The following NDST3 variants were observed in gnomAD, a reference collection of about 807,000 sequenced individuals.
The protein encoded by NDST3 is bifunctional heparan sulfate N-deacetylase/N-sulfotransferase 3.
NDST3 carries 58 observed loss-of-function variants against 96.1 expected under a neutral mutation model. The ratio of observed to expected loss-of-function variants is 0.60; its 90% CI spans 0.49 to 0.75. The LOEUF (loss-of-function observed/expected upper bound fraction) is 0.75, where lower values mean the gene tolerates loss of function less well. Ranked by LOEUF, NDST3 falls within the 30% of genes least tolerant of loss-of-function variation. The probability of loss-of-function intolerance (pLI) is 0.00; values close to 1 mark genes in which losing one functional copy is unlikely to be tolerated. For missense variants in NDST3, 788 were observed against 1,034.2 expected (o/e 0.76, Z 3.27); for synonymous variants, 333 against 359.7 (o/e 0.93, Z 0.84).
At chr4:118,116,477 A>G (rs1731125136) in intron 4 of NDST3, among the ~76,000 whole-genome samples, 1 of 152,224 alleles carries the variant, frequency 6.6e-6, no homozygotes, top group Admixed American at 6.5e-5. Context: ...CTAGAATAGT[A>G]TCTAGAAATT....
chr4:118,160,871 G>A (rs1213601963), intron 6 of NDST3, among the ~76,000 whole-genome samples: 15 of 152,150 alleles, frequency 9.9e-5, no homozygotes, highest in South Asian at 8.3e-4. Context: ...CTCTCAACTC[G>A]TCAAAGTCAT....
chr4:118,034,312 T>G (rs1252050753), upstream of NDST3: 1 of 152,216 alleles, frequency 6.6e-6, no homozygotes, highest in African/African-American at 2.4e-5. Flanking sequence ...TCAGCTTAGT[T>G]AGCATCTGTC....
chr4:118,109,056 T>G (rs879879167), intron 3 of NDST3, among the ~76,000 whole-genome samples: 2 of 152,208 alleles, frequency 1.3e-5, no homozygotes, highest in African/African-American at 4.8e-5. Flanking sequence ...GAACTTTCTC[T>G]TTATGTGCAG....
rs1478587265 is a variant in NDST3 at position 118,157,063 on chromosome 4, A to G, written c.1539+13379A>G. ...TACATCAAATAGTGGGAACAACCTA[A>G]ACATCCATCCATAAGAGACTAGTTA... On this transcript the variant is annotated intron_variant, in intron 6 of 13. Transcript: ENST00000296499. Among the ~76,000 whole-genome samples, 3 of 152,276 alleles carry G rather than the reference A, an allele frequency of 2.0e-5. No individual in the cohort carries two copies. In the East Asian group the frequency reaches 5.8e-4, roughly 29 times the overall value.
chr4:118,090,837 C>T (rs1034201536), intron 2 of NDST3, among the ~76,000 whole-genome samples: 1 of 151,632 alleles, frequency 6.6e-6, no homozygotes, highest in African/African-American at 2.4e-5. Flanking sequence ...ATTCTAGAGC[C>T]TTTATAACAT....
intron 6 of NDST3, among the ~76,000 whole-genome samples, chr4:118,162,548 T>A (rs1207656357): frequency 4.0e-5 from 6 of 151,648 alleles, no homozygotes; most frequent in Non-Finnish European, 5.9e-5. Context: ...GCTAGCCATA[T>A]GTAGAAAGCT....
At chr4:118,181,500 T>C (rs1163697504) in intron 6 of NDST3, among the ~76,000 whole-genome samples, 1 of 152,134 alleles carries the variant, frequency 6.6e-6, no homozygotes, top group Non-Finnish European at 1.5e-5. Context: ...TTAGTTAGCA[T>C]GAGTTTGAGA....
intron 6 of NDST3, among the ~76,000 whole-genome samples, chr4:118,166,052 A>G (rs1036516032): frequency 6.6e-6 from 1 of 151,770 alleles, no homozygotes; most frequent in African/African-American, 2.4e-5. Flanking sequence ...ATTAGTAGAA[A>G]GGAAACAATA....
rs531287111 is a variant in NDST3 at position 118,088,127 on chromosome 4, T to C, written c.982-16891T>C. ...TGAAATGCCAGTCAAGTAACAGGAATGACAGACATGTAAGTAAGCCCCAGT... is the reference window on the plus strand; with the variant it reads ...TGAAATGCCAGTCAAGTAACAGGAACGACAGACATGTAAGTAAGCCCCAGT... On this transcript the variant is annotated intron_variant, in intron 2 of 13. Transcript: ENST00000296499. Among the ~76,000 whole-genome samples, 9 of 152,154 alleles carry C rather than the reference T, an allele frequency of 5.9e-5. No homozygotes were observed. In the South Asian group the frequency reaches 1.9e-3, roughly 32 times the overall value.
chr4:118,040,489 G>T (rs182849822), intron 1 of NDST3, among the ~76,000 whole-genome samples: 1 of 152,132 alleles, frequency 6.6e-6, no homozygotes, highest in East Asian at 1.9e-4. Flanking sequence ...TGCACTAAGG[G>T]TGGGCTTATG....
intron 8 of NDST3, among the ~76,000 whole-genome samples, chr4:118,230,816 G>A (rs974798835): frequency 8.5e-5 from 13 of 152,114 alleles, no homozygotes; most frequent in African/African-American, 2.7e-4. Context: ...GTTTGGCTCA[G>A]ATATAATCTA....
At chr4:118,055,035 A>G (rs1483129766) in intron 2 of NDST3, 144 bp downstream of exon 2, 1 of 942,866 alleles carries the variant, frequency 1.1e-6, no homozygotes, top group African/African-American at 1.6e-5. Flanking sequence ...CGCTCACCCT[A>G]AATCAACTAA....
chr4:118,159,920 A>C (rs993386809), intron 6 of NDST3, among the ~76,000 whole-genome samples: 1 of 152,220 alleles, frequency 6.6e-6, no homozygotes, highest in Admixed American at 6.5e-5. Context: ...GGGACTTAGG[A>C]AACAACATCA....
At chr4:118,199,384 T>A (rs1275336326) in intron 6 of NDST3, among the ~76,000 whole-genome samples, 1 of 152,198 alleles carries the variant, frequency 6.6e-6, no homozygotes, top group Non-Finnish European at 1.5e-5. Context: ...ATTTTTCAAC[T>A]CCAGAATTTC....
chr4:118,073,613 TTTTCTC>T, intron 2 of NDST3, among the ~76,000 whole-genome samples: 1 of 152,130 alleles, frequency 6.6e-6, no homozygotes, highest in South Asian at 2.1e-4. Flanking sequence ...TCTTCTCTCT[TTTTCTC>T]TTTATTTGTC....
intron 6 of NDST3, among the ~76,000 whole-genome samples, chr4:118,152,654 G>A (rs1401381455): frequency 6.6e-6 from 1 of 152,120 alleles, no homozygotes; most frequent in Non-Finnish European, 1.5e-5. Context: ...TCTTGCCTTA[G>A]TGCTTTATTT....
intron 6 of NDST3, among the ~76,000 whole-genome samples, chr4:118,202,139 G>C (rs1336653634): frequency 2.0e-5 from 3 of 151,994 alleles, no homozygotes; most frequent in African/African-American, 7.2e-5. Flanking sequence ...TCTTCCATTT[G>C]TCTTTGTCTG....
At chr4:118,254,017 G>T (rs1426271254) in intron 13 of NDST3, among the ~76,000 whole-genome samples, 1 of 152,132 alleles carries the variant, frequency 6.6e-6, no homozygotes, top group African/African-American at 2.4e-5. Flanking sequence ...GACGTGGGTG[G>T]ATCACTTGAG....
chr4:118,085,249 A>G (rs1728331917), intron 2 of NDST3, among the ~76,000 whole-genome samples: 1 of 152,170 alleles, frequency 6.6e-6, no homozygotes, highest in South Asian at 2.1e-4. Flanking sequence ...AGACCATATC[A>G]AAAGTCTTCT....
Sources: allele counts gnomAD v4.1 joint callset (sites outside exome capture counted in the v4.1 genomes callset), GRCh38; gene constraint gnomAD v4.1.1; transcripts MANE v1.5; gene names NCBI Gene and HGNC (gene_info 2026-07-23, HGNC 2026-07-21).